The following TENM2 variants were observed in gnomAD, a reference collection of about 807,000 sequenced individuals.
TENM2 encodes the protein teneurin-2.
A neutral mutation model predicts 245.2 loss-of-function variants in TENM2; 52 were observed. The ratio of observed to expected loss-of-function variants is 0.21; its 90% confidence interval spans 0.17 to 0.27. TENM2 has a LOEUF of 0.27. TENM2 is among the 10% of genes least tolerant of loss of function. TENM2 has a pLI of 1.00. For synonymous variants in TENM2, 1,363 were observed against 1,438.9 expected (o/e 0.95, Z 1.19); for missense variants, 3,046 against 3,666.8 (o/e 0.83, Z 4.37).
At chr5:167,533,499 A>T (rs973155358) in intron 2 of TENM2, among the ~76,000 whole-genome samples, 6 of 152,124 alleles carry the variant, frequency 3.9e-5, no homozygotes, top group African/African-American at 1.4e-4. Flanking sequence ...CCTGGAGCAC[A>T]TGGAGCGCCA....
chr5:167,694,737 A>T (rs1757652168), intron 2 of TENM2, among the ~76,000 whole-genome samples: 2 of 152,144 alleles, frequency 1.3e-5, no homozygotes, highest in African/African-American at 4.8e-5. Context: ...AATAGTTCTC[A>T]TTAGTTGTGG....
At chr5:167,557,414 A>G (rs931332731) in intron 2 of TENM2, among the ~76,000 whole-genome samples, 2 of 152,226 alleles carry the variant, frequency 1.3e-5, no homozygotes, top group African/African-American at 4.8e-5. Context: ...CCAGTGACTC[A>G]TTATGAAATT....
chr5:168,253,424 A>ATTTTT (rs200574779), intron 27 of TENM2, among the ~76,000 whole-genome samples: 3 of 139,838 alleles, frequency 2.1e-5, no homozygotes, highest in African/African-American at 2.7e-5. Flanking sequence ...TGCATTCATT[A>ATTTTT]TTTTATTTTT....
chr5:167,615,692 A>T (rs536169524), intron 2 of TENM2, among the ~76,000 whole-genome samples: 1 of 152,066 alleles, frequency 6.6e-6, no homozygotes, highest in African/African-American at 2.4e-5. Flanking sequence ...TATCTTAGTT[A>T]TAATTAAGAG....
chr5:168,075,759 A>G (rs1232273112), intron 7 of TENM2, among the ~76,000 whole-genome samples: 1 of 152,236 alleles, frequency 6.6e-6, no homozygotes, highest in African/African-American at 2.4e-5. Flanking sequence ...AAAGGAAAGG[A>G]GGTTTAATGG....
the TENM2 span, among the ~76,000 whole-genome samples, chr5:167,208,245 T>C: frequency 7.9e-5 from 12 of 152,226 alleles, no homozygotes; most frequent in African/African-American, 2.4e-4. Context: ...TTTCATGTTG[T>C]CTCTGATATT....
At chr5:168,222,657 G>A (rs1046105182) in intron 23 of TENM2, among the ~76,000 whole-genome samples, 1 of 152,132 alleles carries the variant, frequency 6.6e-6, no homozygotes, top group Non-Finnish European at 1.5e-5. Context: ...CCAGACTAGG[G>A]AAGATGCATC....
chr5:167,344,996 T>C (rs1016264286), intron 1 of TENM2, among the ~76,000 whole-genome samples: 6 of 152,176 alleles, frequency 3.9e-5, no homozygotes, highest in African/African-American at 1.4e-4. Flanking sequence ...ACAGCCTCCT[T>C]AGAAGGCAGA....
chr5:167,737,434 T>C (rs1214452628), intron 2 of TENM2, among the ~76,000 whole-genome samples: 1 of 152,170 alleles, frequency 6.6e-6, no homozygotes, highest in East Asian at 1.9e-4. Context: ...GCTTTAACTG[T>C]TTGGCTGCTG....
At chr5:167,336,626 C>G (rs1757771398) in intron 1 of TENM2, among the ~76,000 whole-genome samples, 1 of 152,014 alleles carries the variant, frequency 6.6e-6, no homozygotes, top group African/African-American at 2.4e-5. Flanking sequence ...GTCCAGCAAA[C>G]TTAAATGCCA....
At chr5:167,198,384 C>A in the TENM2 span, among the ~76,000 whole-genome samples, 1 of 152,088 alleles carries the variant, frequency 6.6e-6, no homozygotes, top group Non-Finnish European at 1.5e-5. Flanking sequence ...CAAAGGAGGG[C>A]GCTAAGCCTT....
At chr5:167,442,316 A>G (rs1425743297) in intron 2 of TENM2, among the ~76,000 whole-genome samples, 3 of 152,202 alleles carry the variant, frequency 2.0e-5, no homozygotes, top group Non-Finnish European at 2.9e-5. Context: ...TATTCATACT[A>G]TTATTTGCAA....
chr5:167,612,163 C>T (rs143020523), intron 2 of TENM2, among the ~76,000 whole-genome samples: 2 of 152,170 alleles, frequency 1.3e-5, no homozygotes, highest in South Asian at 2.1e-4. Flanking sequence ...ACTCTGTTCT[C>T]GTCTTTTGCC....
chr5:167,134,200 A>G, the TENM2 span, among the ~76,000 whole-genome samples: 1 of 152,220 alleles, frequency 6.6e-6, no homozygotes, highest in African/African-American at 2.4e-5. Context: ...ATTGATTTGG[A>G]AAAAAATAAT....
intron 4 of TENM2, among the ~76,000 whole-genome samples, chr5:167,954,183 TCACA>T (rs369023821): frequency 2.3e-4 from 34 of 149,252 alleles, no homozygotes; most frequent in East Asian, 1.2e-3. Context: ...ACACACTCAC[TCACA>T]CACACACACA....
the TENM2 span, among the ~76,000 whole-genome samples, chr5:167,110,153 C>T: frequency 6.6e-6 from 1 of 152,138 alleles, no homozygotes; most frequent in Non-Finnish European, 1.5e-5. Flanking sequence ...CCATCTTTGC[C>T]CTTTGGCTAA....
chr5:167,209,516 A>G, the TENM2 span, among the ~76,000 whole-genome samples: 2 of 152,140 alleles, frequency 1.3e-5, no homozygotes, highest in African/African-American at 4.8e-5. Context: ...TGCCTCCCAA[A>G]GTGCTGGGAT....
At chr5:167,696,656 A>T (rs1178448405) in intron 2 of TENM2, among the ~76,000 whole-genome samples, 1 of 152,196 alleles carries the variant, frequency 6.6e-6, no homozygotes, top group Non-Finnish European at 1.5e-5. Context: ...TTGAAAAGAG[A>T]GTGTGCTGTA....
chr5:168,162,562 A>C (rs1757842855), intron 12 of TENM2, 49 bp from the exon 15 acceptor site: 3 of 1,595,500 alleles, frequency 1.9e-6, no homozygotes, highest in African/African-American at 2.7e-5. Flanking sequence ...CTGCTTCCCC[A>C]GCGCGGCCTC....
Sources: gnomAD v4.1 joint callset for allele counts (sites outside exome capture counted in the v4.1 genomes callset) on GRCh38, gnomAD v4.1.1 for gene constraint, MANE v1.5 for transcripts, NCBI Gene and HGNC (gene_info 2026-07-23, HGNC 2026-07-21) for gene names.